The following SVIL variants were observed in gnomAD, a reference collection of about 807,000 sequenced individuals.
SVIL encodes the protein supervillin, also known as archvillin.
A neutral mutation model predicts 240.4 loss-of-function variants in SVIL; 101 were observed. That is an observed-to-expected ratio of 0.42 (90% CI 0.36 to 0.50). The LOEUF (loss-of-function observed/expected upper bound fraction) is 0.50, where lower values mean the gene tolerates loss of function less well. Among genes scored for constraint, SVIL ranks in the 20% least tolerant of loss-of-function variants. The pLI is 0.01. For missense variants in SVIL, 2,512 were observed against 2,818.7 expected (o/e 0.89, Z 2.46); for synonymous variants, 999 against 1,100.0 (o/e 0.91, Z 1.82).
intron 3 of SVIL, among the ~76,000 whole-genome samples, chr10:29,653,597 T>C (rs1189233420): frequency 6.6e-6 from 1 of 152,218 alleles, no homozygotes; most frequent in African/African-American, 2.4e-5. Context: ...TTGTCACTTG[T>C]CCTTTTGGTA....
intron 1 of SVIL, among the ~76,000 whole-genome samples, chr10:29,580,568 T>C (rs893191469): frequency 6.6e-6 from 1 of 152,222 alleles, no homozygotes; most frequent in Non-Finnish European, 1.5e-5. Flanking sequence ...CGATGTCACC[T>C]CATGTCACCT....
At chr10:29,717,232 CAAAAAAAAA>C (rs71023503) in intron 1 of SVIL, among the ~76,000 whole-genome samples, 428 of 38,276 alleles carry the variant, frequency 0.011, no homozygotes, top group East Asian at 0.055. Flanking sequence ...GACTCTCTCT[CAAAAAAAAA>C]AAAAAAAAAA....
chr10:29,565,530 G>A (rs919953700), intron 2 of SVIL, among the ~76,000 whole-genome samples: 5 of 152,028 alleles, frequency 3.3e-5, no homozygotes, highest in East Asian at 1.9e-4. Flanking sequence ...GCTTCATTTC[G>A]CTTCTGGTCT....
At chr10:29,573,356 G>A (rs942820143) in intron 1 of SVIL, among the ~76,000 whole-genome samples, 2 of 152,014 alleles carry the variant, frequency 1.3e-5, no homozygotes, top group African/African-American at 4.8e-5. Flanking sequence ...ATATGACATA[G>A]TTGTTGAAAG....
intron 21 of SVIL, among the ~76,000 whole-genome samples, chr10:29,491,698 T>TC: frequency 6.6e-6 from 1 of 152,206 alleles, no homozygotes; most frequent in East Asian, 1.9e-4. Flanking sequence ...CCCAACAGAC[T>TC]CCTGCTGCCA....
At chr10:29,477,406 C>T (rs1432975584) in intron 29 of SVIL, among the ~76,000 whole-genome samples, 2 of 152,218 alleles carry the variant, frequency 1.3e-5, no homozygotes, top group Admixed American at 6.5e-5. Flanking sequence ...GCAGCTGTCG[C>T]GACCCTGCTG....
chr10:29,629,250 G>A (rs554870184), intron 1 of SVIL, among the ~76,000 whole-genome samples: 4 of 152,096 alleles, frequency 2.6e-5, no homozygotes, highest in Non-Finnish European at 5.9e-5. Context: ...GGGGTGGCAT[G>A]AAAAGCCTAG....
chr10:29,524,357 G>A (rs1950754228), intron 14 of SVIL, 115 bp downstream of exon 14: 5 of 1,480,962 alleles, frequency 3.4e-6, no homozygotes, highest in Non-Finnish European at 4.6e-6. Flanking sequence ...TCACCTACAG[G>A]TAGCAGTTTC....
Position 29,458,182 on chromosome 10 carries a change from A to G in SVIL, c.*65T>C, listed in dbSNP as rs537652823. 3 of 1,479,434 alleles carry G rather than the reference A, an allele frequency of 2.0e-6. No homozygotes were observed. Among genetic ancestry groups the G allele is most frequent in the East Asian group, 2.3e-5 (1 of 43,598 alleles). 91.6% of individuals were successfully genotyped at this position (1,479,434 alleles called of 1,614,324 possible). A position where few individuals can be genotyped will look rare whatever the true frequency, so the allele number is the denominator to read the frequency against. ...GAAAAACACCAGTCCAAAAATATAT[A>G]TCCATTTCCCTGGTGCAGTGGTGTT... On this transcript the variant is annotated 3_prime_UTR_variant, in exon 38 of 38. Transcript: ENST00000355867.
intron 2 of SVIL, among the ~76,000 whole-genome samples, chr10:29,666,293 G>A (rs1405835280): frequency 6.6e-6 from 1 of 152,156 alleles, no homozygotes; most frequent in Non-Finnish European, 1.5e-5. Flanking sequence ...AGGTAAAAAG[G>A]TTTTCACAAG....
At chr10:29,559,519 C>T (rs959005275) in intron 3 of SVIL, among the ~76,000 whole-genome samples, 2 of 152,140 alleles carry the variant, frequency 1.3e-5, no homozygotes, top group Non-Finnish European at 2.9e-5. Context: ...TATGCTGTGT[C>T]ATAATTATAA....
At chr10:29,652,358 A>C (rs555875731) in intron 3 of SVIL, among the ~76,000 whole-genome samples, 2 of 152,192 alleles carry the variant, frequency 1.3e-5, no homozygotes, top group Non-Finnish European at 1.5e-5. Context: ...GGGTTCATCC[A>C]TGTTTTAGCA....
rs531099346 is a variant in SVIL, at chr10:29,554,041, C to T, written c.160+742G>A. 9.0e-4 allele frequency among the ~76,000 whole-genome samples: 137 copies of T among 152,286 alleles called. 1 individual carries two copies. Among genetic ancestry groups the T allele is most frequent in the Non-Finnish European group, 1.5e-4 (10 of 68,018 alleles). On this transcript the variant is annotated intron_variant, in intron 5 of 37. Transcript: ENST00000355867. ...CAGTCTAGGGAGGAAAATGACTGGC[C>T]TCCGTTACCCAACAATGTGCGAGGG...
At chr10:29,684,395 A>G (rs1960896820) in intron 2 of SVIL, among the ~76,000 whole-genome samples, 2 of 152,156 alleles carry the variant, frequency 1.3e-5, no homozygotes, top group East Asian at 1.9e-4. Context: ...ACATTAATCA[A>G]TACATGGAAG....
intron 2 of SVIL, among the ~76,000 whole-genome samples, chr10:29,680,549 G>A (rs544987034): frequency 5.8e-4 from 89 of 152,330 alleles, no homozygotes; most frequent in African/African-American, 2.0e-3. Flanking sequence ...TAGCCTCAGG[G>A]CTATCACCAA....
intron 1 of SVIL, among the ~76,000 whole-genome samples, chr10:29,700,353 A>C (rs1001323306): frequency 8.5e-5 from 13 of 152,178 alleles, no homozygotes; most frequent in African/African-American, 3.1e-4. Flanking sequence ...ATACATTTAC[A>C]AAATCTTTCC....
At chr10:29,535,089 AC>A (rs1213945859) in intron 7 of SVIL, among the ~76,000 whole-genome samples, 3 of 152,082 alleles carry the variant, frequency 2.0e-5, no homozygotes, top group African/African-American at 7.2e-5. Context: ...TGACAAGTGC[AC>A]CCTGCTAAAT....
intron 1 of SVIL, among the ~76,000 whole-genome samples, chr10:29,719,299 C>T (rs536497537): frequency 6.1e-4 from 93 of 152,270 alleles, no homozygotes; most frequent in African/African-American, 1.9e-3. Context: ...ATGGAACACT[C>T]GGTATAAACG....
chr10:29,536,027 G>A lies in SVIL; in HGVS notation c.870C>T (p.Ser290=), dbSNP rs143011277. 3.5e-3 allele frequency: 5,659 copies of A among 1,614,186 alleles called. 17 individuals are homozygous for A. The highest frequency in any genetic ancestry group is 4.2e-3 in the Non-Finnish European group (4,988 of 1,180,030). The change falls in exon 7 of 38, where the codon TCC becomes TCT. Residue 290 remains serine (S), a synonymous_variant. Coordinates refer to ENST00000355867, the MANE Select transcript of SVIL (RefSeq NM_021738.3). ...TGATAAGTGAAGGTGTGTCCCCTTC[G>A]GAATCTTTCTGGAGAAACCACTCAT... The part of the protein sequence containing the change: ...PKHEWFLQKD[S]EGDTPSLINW...
Sources: gnomAD v4.1 joint callset for allele counts (sites outside exome capture counted in the v4.1 genomes callset) on GRCh38, gnomAD v4.1.1 for gene constraint, MANE v1.5 for transcripts, NCBI Gene and HGNC (gene_info 2026-07-23, HGNC 2026-07-21) for gene names.